Variants in LRP6 observed in about 807,000 individuals in gnomAD.
LRP6 encodes LDL receptor related protein 6, also known as low-density lipoprotein receptor-related protein 6.
LRP6 carries 43 observed loss-of-function variants against 184.1 expected under a neutral mutation model. The observed-to-expected ratio is 0.23, with a 90% CI of 0.18 to 0.30. The LOEUF is 0.30. Ranked by LOEUF, LRP6 falls within the 10% of genes least tolerant of loss-of-function variation. The probability of loss-of-function intolerance (pLI) is 1.00; values close to 1 mark genes in which losing one functional copy is unlikely to be tolerated. For synonymous variants in LRP6, 719 were observed against 684.9 expected, an observed-to-expected ratio of 1.05 and a Z score of -0.78; for missense variants, 1,571 against 2,005.3, an observed-to-expected ratio of 0.78 and a Z score of 4.14.
At chr12:12,207,845 A>G (rs1864108116) in intron 2 of LRP6, among the ~76,000 whole-genome samples, 1 of 152,224 alleles carries the variant, frequency 6.6e-6, no homozygotes, top group Non-Finnish European at 1.5e-5. Context: ...AAAATGGGGT[A>G]ACACTAACTT....
chr12:12,225,500 G>A (rs1023187957), intron 2 of LRP6, among the ~76,000 whole-genome samples: 6 of 152,112 alleles, frequency 3.9e-5, no homozygotes, highest in African/African-American at 1.4e-4. Context: ...TGGAGGCTTA[G>A]TATAGACAAA....
chr12:12,260,482 C>CA (rs1712465584), intron 1 of LRP6, among the ~76,000 whole-genome samples: 1 of 151,970 alleles, frequency 6.6e-6, no homozygotes, highest in Non-Finnish European at 1.5e-5. Flanking sequence ...ATTCCAGTTG[C>CA]AGAAGAATCA....
intron 1 of LRP6, among the ~76,000 whole-genome samples, chr12:12,255,422 A>AT: frequency 3.3e-5 from 1 of 30,002 alleles, no homozygotes. Context: ...TCCTTTCTAT[A>AT]AAAAAAAAAA....
chr12:12,246,969 G>A (rs1865202827), intron 1 of LRP6, among the ~76,000 whole-genome samples: 1 of 152,114 alleles, frequency 6.6e-6, no homozygotes, highest in Non-Finnish European at 1.5e-5. Context: ...AAACAAACTG[G>A]CAGACAGCTT....
intron 10 of LRP6, among the ~76,000 whole-genome samples, chr12:12,160,346 AC>A: frequency 6.6e-6 from 1 of 152,334 alleles, no homozygotes; most frequent in East Asian, 1.9e-4. Flanking sequence ...ATTTTTATAT[AC>A]TTTTGAATAT....
intron 7 of LRP6, 75 bp downstream of exon 7, chr12:12,179,735 G>T: frequency 6.7e-7 from 1 of 1,489,668 alleles, no homozygotes; most frequent in Non-Finnish European, 9.3e-7. Flanking sequence ...AAGAATATCT[G>T]TACTCAAATC....
At chr12:12,214,686 T>C (rs1020428233) in intron 2 of LRP6, among the ~76,000 whole-genome samples, 1 of 152,202 alleles carries the variant, frequency 6.6e-6, no homozygotes, top group African/African-American at 2.4e-5. Flanking sequence ...TAAGCAAGCA[T>C]AGAAAAAATA....
chr12:12,159,932 G>T lies in LRP6; in HGVS notation c.2312C>A (p.Pro771His). The T allele has an allele frequency of 6.2e-7, 1 of 1,613,462 alleles. No homozygotes were observed. Among genetic ancestry groups the T allele is most frequent in the Non-Finnish European group, 8.5e-7 (1 of 1,179,732 alleles). The change falls in exon 11 of 23, where the codon CCT becomes CAT. Residue 771 changes from proline to histidine, a missense_variant. Physicochemically the swap from Pro to His is moderately conservative, Grantham distance 77. Coordinates refer to ENST00000261349, the MANE Select transcript of LRP6 (RefSeq NM_002336.3). ...FMYWTEWGGK[P>H]KIDRAAMDGS... Reference sequence around the variant, plus strand: ...ATCCATTGCAGCTCTGTCTATCTTAGGTTTTCCACCCCATTCAGTCCAATA... The same window carrying T: ...ATCCATTGCAGCTCTGTCTATCTTATGTTTTCCACCCCATTCAGTCCAATA...
intron 7 of LRP6, among the ~76,000 whole-genome samples, chr12:12,168,174 T>C (rs190973191): frequency 1.2e-3 from 178 of 152,254 alleles, no homozygotes; most frequent in Non-Finnish European, 1.9e-3. Context: ...CAAACCACCA[T>C]GATAGACCTG....
chr12:12,189,781 G>A (rs370702509), intron 3 of LRP6, among the ~76,000 whole-genome samples: 1 of 152,082 alleles, frequency 6.6e-6, no homozygotes, highest in African/African-American at 2.4e-5. Flanking sequence ...GATTACAGGC[G>A]TGAGCCACCG....
intron 1 of LRP6, among the ~76,000 whole-genome samples, chr12:12,251,877 AT>A (rs968545914): frequency 4.0e-5 from 6 of 151,800 alleles, no homozygotes; most frequent in East Asian, 1.9e-4. Flanking sequence ...TTTTTTCAAT[AT>A]TTTTTTTAAG....
Position 12,184,094 on chromosome 12 carries a change from T to C in LRP6, c.862A>G (p.Ile288Val). The C allele has an allele frequency of 3.7e-6, 6 of 1,613,502 alleles. No individual in the cohort carries two copies. The highest frequency in any genetic ancestry group is 5.1e-6 in the Non-Finnish European group (6 of 1,179,484). ...AAATGGGAACAACCCCCATTGTCAA[T>C]TCCACATGGATTTGTGGCTGTCAAA... ...RQPNATNPCG[I>V]DNGGCSHLCL... Residue 288 changes from isoleucine to valine, a missense_variant, in exon 5 of 23, where the codon ATT becomes GTT. Ile to Val is a conservative substitution (Grantham distance 29). This residue lies in a region of LRP6 where 640 missense variants were observed against 851.9 expected (regional missense o/e 0.75). Transcript: ENST00000261349.
In LRP6 at chr12:12,121,205, G is replaced by A; in HGVS notation, c.4763C>T (p.Pro1588Leu). 1 of 1,614,134 alleles carries A rather than the reference G, an allele frequency of 6.2e-7. No homozygotes were observed. The highest frequency in any genetic ancestry group is 8.5e-7 in the Non-Finnish European group (1 of 1,180,018). The change falls in exon 23 of 23, where the codon CCA becomes CTA. Residue 1588 changes from proline (P) to leucine (L), a missense_variant. By Grantham distance (98) the Pro-to-Leu change is moderately conservative. Coordinates refer to ENST00000261349, the MANE Select transcript of LRP6 (RefSeq NM_002336.3). ...LSAEENYESC[P>L]PSPYTERSYS... ...GCTCCTCTCTGTGTATGGAGAAGGT[G>A]GGCAGCTTTCATAGTTCTCCTCTGC...
intron 15 of LRP6, among the ~76,000 whole-genome samples, chr12:12,140,946 C>A (rs1265500386): frequency 2.0e-5 from 3 of 151,992 alleles, no homozygotes; most frequent in Admixed American, 1.3e-4. Context: ...CATATCAAAT[C>A]CAGCAATAAA....
intron 2 of LRP6, among the ~76,000 whole-genome samples, chr12:12,212,603 T>G (rs1864241512): frequency 6.6e-6 from 1 of 152,206 alleles, no homozygotes. Context: ...ATAGTTTCAC[T>G]GGTTTATTCA....
chr12:12,229,393 AG>A lies in LRP6; in HGVS notation c.449+14868del, dbSNP rs1555121347. 3.8e-3 allele frequency among the ~76,000 whole-genome samples: 469 copies of A among 122,254 alleles called. 18 individuals are homozygous for A. Among genetic ancestry groups the A allele is most frequent in the African/African-American group, 4.6e-3 (179 of 38,918 alleles). 80.2% of individuals were successfully genotyped at this position (122,254 alleles called of 152,430 possible). ...TTCAAAAAAAAAAAAAAAAAGAAGA[AG>A]AAGAAGAATATCTCACACTGAGACT... On this transcript the variant is annotated intron_variant, in intron 2 of 22. Transcript: ENST00000261349.
At chr12:12,255,096 T>C (rs1865427622) in intron 1 of LRP6, among the ~76,000 whole-genome samples, 1 of 152,210 alleles carries the variant, frequency 6.6e-6, no homozygotes, top group Non-Finnish European at 1.5e-5. Flanking sequence ...TCTTATTCCA[T>C]TGTCAACAGT....
chr12:12,254,473 C>T (rs1303364016), intron 1 of LRP6, among the ~76,000 whole-genome samples: 1 of 152,150 alleles, frequency 6.6e-6, no homozygotes, highest in Non-Finnish European at 1.5e-5. Flanking sequence ...CTATAACTCA[C>T]AACAATTTAA....
intron 1 of LRP6, among the ~76,000 whole-genome samples, chr12:12,252,109 T>A (rs548356005): frequency 6.6e-6 from 1 of 152,284 alleles, no homozygotes; most frequent in African/African-American, 2.4e-5. Flanking sequence ...GGTCTCAAAC[T>A]CCTGACCTCA....
Sources: gnomAD v4.1 joint callset for allele counts (sites outside exome capture counted in the v4.1 genomes callset) on GRCh38, gnomAD v4.1.1 for gene constraint, gnomAD v4.1.1 regional missense constraint, MANE v1.5 for transcripts, NCBI Gene and HGNC (gene_info 2026-07-23, HGNC 2026-07-21) for gene names.